Variants in ENTPD1 observed in about 807,000 individuals in gnomAD.
ENTPD1 encodes the protein ectonucleoside triphosphate diphosphohydrolase 1.
In ENTPD1, 33 loss-of-function variants were observed where a neutral mutation model predicts 57.0. That is an observed-to-expected ratio of 0.58 (90% CI 0.44 to 0.77). ENTPD1 has a LOEUF of 0.77. Among genes scored for constraint, ENTPD1 ranks in the 30% least tolerant of loss-of-function variants. The pLI, the probability that ENTPD1 is intolerant of heterozygous loss-of-function variation, is 0.00. For synonymous variants in ENTPD1, 202 were observed against 218.8 expected (o/e 0.92, Z 0.68); for missense variants, 501 against 603.4 (o/e 0.83, Z 1.78).
At chr10:95,807,226 C>T (rs1443372561) in intron 1 of ENTPD1, among the ~76,000 whole-genome samples, 2 of 152,216 alleles carry the variant, frequency 1.3e-5, no homozygotes, top group African/African-American at 2.4e-5. Flanking sequence ...GTGGATGCCC[C>T]TCCCCCAGCC....
upstream of ENTPD1, among the ~76,000 whole-genome samples, chr10:95,708,480 G>T (rs1214112707): frequency 6.6e-6 from 1 of 152,166 alleles, no homozygotes; most frequent in Non-Finnish European, 1.5e-5. Flanking sequence ...CCAAAGTGCT[G>T]GGATTACAGG....
At chr10:95,757,633 A>G (rs1237313648) in intron 1 of ENTPD1, among the ~76,000 whole-genome samples, 1 of 152,078 alleles carries the variant, frequency 6.6e-6, no homozygotes, top group Non-Finnish European at 1.5e-5. Context: ...TATTGTTATT[A>G]TGGTCTTTTG....
upstream of ENTPD1, chr10:95,753,266 A>G (rs1476499233): frequency 6.6e-6 from 1 of 152,196 alleles, no homozygotes; most frequent in Non-Finnish European, 1.5e-5. Context: ...GATACACACA[A>G]ACTCCCATCT....
At chr10:95,793,163 A>G (rs1197989313) in intron 1 of ENTPD1, among the ~76,000 whole-genome samples, 2 of 152,178 alleles carry the variant, frequency 1.3e-5, no homozygotes, top group African/African-American at 2.4e-5. Flanking sequence ...AAACAGTGCC[A>G]AAGAATTTCA....
Position 95,872,952 on chromosome 10 carries a change from T to G in ENTPD1, c.*6569T>G. 5.1e-6 allele frequency: 5 copies of G among 985,460 alleles called. No homozygotes were observed. Among genetic ancestry groups the G allele is most frequent in the Non-Finnish European group, 6.0e-6 (5 of 829,928 alleles). 61.0% of individuals were successfully genotyped at this position (985,460 alleles called of 1,614,324 possible). ...CCATGCAGCACTTCATTGTACACAT[T>G]ATTAAAACAGAATTTTAAGGATTAG... On this transcript the variant is annotated 3_prime_UTR_variant, in exon 10 of 10. Coordinates refer to ENST00000371205, the MANE Select transcript of ENTPD1 (RefSeq NM_001776.6).
At chr10:95,784,169 TA>T (rs1566143790) in intron 1 of ENTPD1, among the ~76,000 whole-genome samples, 1 of 148,798 alleles carries the variant, frequency 6.7e-6, no homozygotes, top group Non-Finnish European at 1.5e-5. Flanking sequence ...AAATTACCCA[TA>T]AGATAGGGTA....
chr10:95,829,293 A>G (rs983733568), intron 2 of ENTPD1, among the ~76,000 whole-genome samples: 2 of 152,208 alleles, frequency 1.3e-5, no homozygotes, highest in African/African-American at 4.8e-5. Flanking sequence ...GACCCTCTCA[A>G]GAGCTGTGGA....
Position 95,844,575 on chromosome 10 carries a change from C to G in ENTPD1, c.513C>G (p.Gly171=), listed in dbSNP as rs1179184036. The change falls in exon 5 of 10, where the codon GGC becomes GGG. Residue 171 remains glycine (G), a synonymous_variant. Coordinates refer to ENST00000371205, the MANE Select transcript of ENTPD1 (RefSeq NM_001776.6). ...FDFQGARIIT[G]QEEGAYGWIT... is the part of the protein sequence containing the mutation. Reference sequence around the variant, plus strand: ...TCCAGGGTGCCAGGATCATTACTGGCCAAGAGGAAGGTGCCTATGGCTGGA... The same window carrying G: ...TCCAGGGTGCCAGGATCATTACTGGGCAAGAGGAAGGTGCCTATGGCTGGA... 1 of 1,614,180 alleles carries G rather than the reference C, an allele frequency of 6.2e-7. No homozygotes were observed. Among genetic ancestry groups the G allele is most frequent in the African/African-American group, 1.3e-5 (1 of 75,036 alleles).
chr10:95,827,109 A>G (rs1020454477), intron 2 of ENTPD1, among the ~76,000 whole-genome samples: 1 of 152,126 alleles, frequency 6.6e-6, no homozygotes, highest in Non-Finnish European at 1.5e-5. Flanking sequence ...TTAATAATAT[A>G]ATTTATGTGG....
intron 1 of ENTPD1, among the ~76,000 whole-genome samples, chr10:95,713,125 G>C (rs1333927729): frequency 6.6e-6 from 1 of 151,568 alleles, no homozygotes; most frequent in Non-Finnish European, 1.5e-5. Flanking sequence ...CATGGAGACT[G>C]TCTCCTCCAT....
chr10:95,756,024 G>A (rs1030345123), upstream of ENTPD1: 96 of 1,467,418 alleles, frequency 6.5e-5, no homozygotes, highest in African/African-American at 1.3e-3. Flanking sequence ...TGAGCTGCTG[G>A]ACTCCTCAGT....
At chr10:95,837,853 C>A (rs2098413735) in intron 2 of ENTPD1, among the ~76,000 whole-genome samples, 1 of 151,966 alleles carries the variant, frequency 6.6e-6, no homozygotes, top group African/African-American at 2.4e-5. Context: ...CACTGGGGCC[C>A]CTACATTGGT....
At position 95,876,205 on chromosome 10, in the gene ENTPD1, C is replaced by A. The variant is rs570195896; in HGVS notation, c.*9822C>A. 8.2e-6 allele frequency: 8 copies of A among 978,718 alleles called. No homozygotes were observed. In the East Asian group the frequency reaches 6.8e-4, roughly 84 times the overall value. The allele number at this position is 978,718 out of a possible 1,614,324, so 60.6% of individuals were successfully genotyped here. ...GTTTTCTTAGGTATATTTATAAATACTCCTATAAAAATGTAAAGAAACACA... is the reference window on the plus strand; with the variant it reads ...GTTTTCTTAGGTATATTTATAAATAATCCTATAAAAATGTAAAGAAACACA... On this transcript the variant is annotated 3_prime_UTR_variant, in exon 10 of 10. Transcript: ENST00000371205.
chr10:95,864,886 G>C (rs900872428), intron 9 of ENTPD1, 25 bp downstream of exon 9: 21 of 1,611,104 alleles, frequency 1.3e-5, no homozygotes, highest in Admixed American at 3.3e-5. Context: ...TGTTGGGCTG[G>C]GGGGAGGTTG....
upstream of ENTPD1, among the ~76,000 whole-genome samples, chr10:95,709,406 G>A (rs568968665): frequency 6.6e-5 from 10 of 151,072 alleles, 1 homozygote; most frequent in South Asian, 1.9e-3. Flanking sequence ...TTTTTGAGAC[G>A]AAGTTTCGCT....
intron 1 of ENTPD1, among the ~76,000 whole-genome samples, chr10:95,735,290 A>C (rs2097993434): frequency 6.6e-6 from 1 of 152,094 alleles, no homozygotes; most frequent in Admixed American, 6.6e-5. Flanking sequence ...CTCAACTGGG[A>C]TTATAGACGT....
At chr10:95,819,701 T>TCTCA (rs1463061209) in intron 1 of ENTPD1, among the ~76,000 whole-genome samples, 2 of 152,184 alleles carry the variant, frequency 1.3e-5, no homozygotes, top group African/African-American at 2.4e-5. Context: ...TACCTTGCTC[T>TCTCA]CTCACTTTAA....
At chr10:95,823,510 G>T in intron 2 of ENTPD1, 146 bp downstream of exon 2, 2 of 1,231,286 alleles carry the variant, frequency 1.6e-6, no homozygotes, top group East Asian at 5.0e-5. Context: ...TGGATTAGGG[G>T]AGTAAAATGG....
intron 1 of ENTPD1, among the ~76,000 whole-genome samples, chr10:95,750,062 G>A (rs897575798): frequency 2.4e-4 from 36 of 152,232 alleles, no homozygotes; most frequent in African/African-American, 7.7e-4. Flanking sequence ...GATAGGAACC[G>A]CTGAATTTGC....
Sources: allele counts gnomAD v4.1 joint callset (sites outside exome capture counted in the v4.1 genomes callset), GRCh38; gene constraint gnomAD v4.1.1; transcripts MANE v1.5; gene names NCBI Gene and HGNC (gene_info 2026-07-23, HGNC 2026-07-21).